GRM5: variants seen among roughly 807,000 people sequenced by gnomAD.
GRM5 encodes the protein metabotropic glutamate receptor 5.
GRM5 carries 19 observed loss-of-function variants against 83.1 expected under a neutral mutation model. That is an observed-to-expected ratio of 0.23 (90% CI 0.16 to 0.34). The LOEUF (loss-of-function observed/expected upper bound fraction) is 0.34. GRM5 is among the 10% of genes least tolerant of loss of function. The probability of loss-of-function intolerance (pLI) is 1.00; values close to 1 mark genes in which losing one functional copy is unlikely to be tolerated. For synonymous variants in GRM5, 675 were observed against 633.6 expected (o/e 1.07, Z -0.98); for missense variants, 1,160 against 1,588.3 (o/e 0.73, Z 4.58).
chr11:88,893,076 A>C (rs1411541359), intron 2 of GRM5, among the ~76,000 whole-genome samples: 1 of 151,928 alleles, frequency 6.6e-6, no homozygotes, highest in South Asian at 2.1e-4. Context: ...GGAATATCAG[A>C]CAGAGAGTTT....
intron 3 of GRM5, among the ~76,000 whole-genome samples, chr11:88,660,092 G>A (rs78702105): frequency 1.1e-4 from 16 of 151,914 alleles, no homozygotes; most frequent in African/African-American, 3.9e-4. Context: ...CCCTCAAGGA[G>A]TCAACAGTCC....
intron 2 of GRM5, among the ~76,000 whole-genome samples, chr11:88,853,638 AAC>A (rs1944423668): frequency 6.6e-6 from 1 of 152,080 alleles, no homozygotes; most frequent in Admixed American, 6.6e-5. Context: ...GAAAAACTAA[AAC>A]ACTTTTTTTC....
chr11:88,642,445 A>G (rs117446193), intron 4 of GRM5, among the ~76,000 whole-genome samples: 1,744 of 152,226 alleles, frequency 0.011, 32 homozygotes, highest in African/African-American at 0.038. Flanking sequence ...AGTTGGGCAA[A>G]TATCTCTAGC....
chr11:88,540,842 G>T (rs187750739), intron 8 of GRM5, among the ~76,000 whole-genome samples: 2 of 152,108 alleles, frequency 1.3e-5, no homozygotes, highest in Admixed American at 1.3e-4. Context: ...TGCCTCCTGG[G>T]TTCACGCCAT....
intron 2 of GRM5, among the ~76,000 whole-genome samples, chr11:88,990,480 G>C (rs1591026513): frequency 6.6e-6 from 1 of 151,416 alleles, no homozygotes; most frequent in Non-Finnish European, 1.5e-5. Flanking sequence ...CCAATCAATA[G>C]AAAAAGAGGG....
At chr11:89,005,153 A>C (rs1463064204) in intron 2 of GRM5, among the ~76,000 whole-genome samples, 1 of 152,222 alleles carries the variant, frequency 6.6e-6, no homozygotes, top group Non-Finnish European at 1.5e-5. Context: ...CTGACAAGTA[A>C]GATTCTGCAA....
rs116202143 is a variant in GRM5, at chr11:88,577,916, A to G, written c.1691-9924T>C. On this transcript the variant is annotated intron_variant, in intron 7 of 9. Transcript: ENST00000305447. ...GGAAGGTGATAATACCTATCTGCCT[A>G]CATCTCAAGGATTAGTGTGAGGACC... Among the ~76,000 whole-genome samples, 1,119 of 152,236 alleles carry G rather than the reference A, an allele frequency of 7.4e-3. 11 individuals are homozygous for G. The highest frequency in any genetic ancestry group is 0.026 in the African/African-American group (1,081 of 41,578).
At chr11:88,763,247 A>T (rs1282389452) in intron 3 of GRM5, among the ~76,000 whole-genome samples, 1 of 143,674 alleles carries the variant, frequency 7.0e-6, no homozygotes, top group Non-Finnish European at 1.5e-5. Context: ...ATTAGCACTA[A>T]ATCTTTTATA....
At chr11:88,570,770 T>C (rs1313158370) in intron 7 of GRM5, among the ~76,000 whole-genome samples, 2 of 150,982 alleles carry the variant, frequency 1.3e-5, no homozygotes, top group African/African-American at 4.9e-5. Flanking sequence ...GATTTCACCA[T>C]GTTGGCCAGG....
At chr11:88,632,876 C>A (rs1292517773) in intron 4 of GRM5, among the ~76,000 whole-genome samples, 1 of 152,170 alleles carries the variant, frequency 6.6e-6, no homozygotes, top group African/African-American at 2.4e-5. Flanking sequence ...TTTATCCATA[C>A]TAATAAGTGC....
chr11:88,992,990 A>G (rs1940035562), intron 2 of GRM5, among the ~76,000 whole-genome samples: 1 of 151,960 alleles, frequency 6.6e-6, no homozygotes, highest in Non-Finnish European at 1.5e-5. Context: ...CGTTGTGCAC[A>G]TGTACCCTAG....
intron 2 of GRM5, among the ~76,000 whole-genome samples, chr11:89,025,369 G>C (rs1941104013): frequency 2.0e-5 from 3 of 152,240 alleles, no homozygotes; most frequent in Admixed American, 1.3e-4. Flanking sequence ...GTAAAGATAG[G>C]TCATATTGAT....
chr11:88,560,783 GAA>G (rs1286292587), intron 8 of GRM5, among the ~76,000 whole-genome samples: 1 of 152,132 alleles, frequency 6.6e-6, no homozygotes, highest in Non-Finnish European at 1.5e-5. Context: ...AGATAGTTGT[GAA>G]AATGTTACAT....
At chr11:88,797,353 G>T (rs1011215695) in intron 3 of GRM5, among the ~76,000 whole-genome samples, 34 of 152,190 alleles carry the variant, frequency 2.2e-4, no homozygotes, top group South Asian at 6.2e-4. Flanking sequence ...TGTTGATCAG[G>T]CTGGTCTTGA....
intron 2 of GRM5, among the ~76,000 whole-genome samples, chr11:88,897,273 A>G (rs1191602670): frequency 6.6e-6 from 1 of 151,888 alleles, no homozygotes; most frequent in Non-Finnish European, 1.5e-5. Flanking sequence ...TTTTGATATA[A>G]ATATTCATAG....
In GRM5 at chr11:88,598,238, A is replaced by T. The variant is rs115379913; in HGVS notation, c.1395-886T>A. 9.6e-3 allele frequency among the ~76,000 whole-genome samples: 1,468 copies of T among 152,244 alleles called. 17 individuals carry two copies. The highest frequency in any genetic ancestry group is 0.066 in the East Asian group (340 of 5,190). On this transcript the variant is annotated intron_variant, in intron 5 of 9. Transcript: ENST00000305447. ...CATATAAATGCCTCCTCCAACTTCC[A>T]ATGCTCAGCATGTGTAGCTATCTGG... is the stretch of plus-strand genomic sequence containing the variant.
At chr11:88,989,973 C>T (rs1372865073) in intron 2 of GRM5, among the ~76,000 whole-genome samples, 3 of 151,660 alleles carry the variant, frequency 2.0e-5, no homozygotes, top group South Asian at 2.1e-4. Flanking sequence ...AGAGCAAACA[C>T]ATTCAAAAGC....
At chr11:88,754,647 T>C (rs1317406055) in intron 3 of GRM5, among the ~76,000 whole-genome samples, 1 of 152,106 alleles carries the variant, frequency 6.6e-6, no homozygotes, top group Non-Finnish European at 1.5e-5. Context: ...CTATAAAAAA[T>C]TTACAGTTAT....
intron 2 of GRM5, among the ~76,000 whole-genome samples, chr11:89,044,062 C>G (rs1199080216): frequency 1.3e-5 from 2 of 152,144 alleles, no homozygotes; most frequent in Non-Finnish European, 2.9e-5. Flanking sequence ...TGCCACACTG[C>G]TAAATGGGCA....
Sources: allele counts gnomAD v4.1 joint callset (sites outside exome capture counted in the v4.1 genomes callset), GRCh38; gene constraint gnomAD v4.1.1; transcripts MANE v1.5; gene names NCBI Gene and HGNC (gene_info 2026-07-23, HGNC 2026-07-21).